PDE5A: variants seen among roughly 807,000 people sequenced by gnomAD.
PDE5A encodes the protein phosphodiesterase 5A, also known as cGMP-specific 3',5'-cyclic phosphodiesterase.
A neutral mutation model predicts 110.2 loss-of-function variants in PDE5A; 67 were observed. The ratio of observed to expected loss-of-function variants is 0.61; its 90% CI spans 0.50 to 0.75. PDE5A has a LOEUF of 0.75. Among genes scored for constraint, PDE5A ranks in the 30% least tolerant of loss-of-function variants. PDE5A has a pLI of 0.00. For missense variants in PDE5A, 862 were observed against 1,045.1 expected (o/e 0.82, Z 2.42); for synonymous variants, 328 against 351.2 (o/e 0.93, Z 0.74).
chr4:119,614,140 A>G (rs1729852089), intron 1 of PDE5A, among the ~76,000 whole-genome samples: 1 of 151,772 alleles, frequency 6.6e-6, no homozygotes, highest in African/African-American at 2.4e-5. Flanking sequence ...GACTCAGGGA[A>G]CAAAGATTCT....
At chr4:119,501,734 CAG>C (rs146739001) in intron 19 of PDE5A, among the ~76,000 whole-genome samples, 4,060 of 152,256 alleles carry the variant, frequency 0.027, 72 homozygotes, top group South Asian at 0.05. Context: ...TTCCAAAAAA[CAG>C]AAGTGGGCTG....
chr4:119,540,159 T>C (rs1726876864), intron 10 of PDE5A, among the ~76,000 whole-genome samples: 1 of 151,848 alleles, frequency 6.6e-6, no homozygotes, highest in Non-Finnish European at 1.5e-5. Flanking sequence ...ACAACACAGA[T>C]TTACAAAAAA....
At chr4:119,558,444 T>C (rs549502554) in intron 7 of PDE5A, among the ~76,000 whole-genome samples, 5 of 152,284 alleles carry the variant, frequency 3.3e-5, no homozygotes, top group Admixed American at 6.5e-5. Context: ...CTTCATCAAA[T>C]TGAGAGATGG....
intron 11 of PDE5A, among the ~76,000 whole-genome samples, chr4:119,527,967 T>TA (rs1234301238): frequency 6.6e-6 from 1 of 152,084 alleles, no homozygotes; most frequent in East Asian, 1.9e-4. Flanking sequence ...ACAAAACAGT[T>TA]AGTTTAGATA....
At chr4:119,532,020 AT>A (rs1726559371) in intron 11 of PDE5A, among the ~76,000 whole-genome samples, 1 of 152,152 alleles carries the variant, frequency 6.6e-6, no homozygotes, top group Non-Finnish European at 1.5e-5. Context: ...TGTTTTATAT[AT>A]TTAATCAACT....
At position 119,520,986 on chromosome 4, in the gene PDE5A, G is replaced by A. The variant is rs750640816; in HGVS notation, c.1854C>T (p.Ala618=). ...CAAACATGCACTGAGCTGTATTAAA[G>A]GCATGTCTCCAATTATGATAGGCAA... The part of the protein sequence containing the change: ...KNVAYHNWRH[A]FNTAQCMFAA... The change falls in exon 13 of 21, where the codon GCC becomes GCT. Residue 618 remains alanine, a synonymous_variant. Transcript: ENST00000354960. 4 of 1,612,820 alleles carry A rather than the reference G, an allele frequency of 2.5e-6. No homozygotes were observed. The African/African-American group carries it at 5.3e-5, about 22-fold the overall frequency.
rs904839782 is a variant in PDE5A at position 119,513,161 on chromosome 4, A to G, written c.2001-2027T>C. On this transcript the variant is annotated intron_variant, in intron 14 of 20. Transcript: ENST00000354960. ...ATTAGAAGGTGTTTTGTCCCAGCCT[A>G]TCTTTAATACCTCTCACTTCTGCCT... 2.6e-5 allele frequency among the ~76,000 whole-genome samples: 4 copies of G among 152,040 alleles called. No homozygotes were observed. The East Asian group carries it at 5.8e-4, about 22-fold the overall frequency.
In PDE5A at chr4:119,497,484, A is replaced by G. The variant is rs199958717; in HGVS notation, c.*1117T>C. On this transcript the variant is annotated 3_prime_UTR_variant, in exon 21 of 21. Coordinates refer to ENST00000354960, the MANE Select transcript of PDE5A (RefSeq NM_001083.4). ...TCACATCCAGGATTCTCTGGATCTC[A>G]GTTGACTTGTCCTATACATCAAAAT... 2.0e-5 allele frequency: 3 copies of G among 152,126 alleles called. No homozygotes were observed. The highest frequency in any genetic ancestry group is 4.4e-5 in the Non-Finnish European group (3 of 68,002). 9.4% of individuals were successfully genotyped at this position (152,126 alleles called of 1,614,324 possible). A position where few individuals can be genotyped will look rare whatever the true frequency, so the allele number is the denominator to read the frequency against.
chr4:119,542,719 C>A (rs1158021341), intron 9 of PDE5A, 85 bp from the exon 10 acceptor site: 8 of 1,233,504 alleles, frequency 6.5e-6, no homozygotes, highest in Admixed American at 5.7e-5. Flanking sequence ...CAAAGATTGT[C>A]TTACACTTTT....
At chr4:119,615,646 A>G (rs1325434957) in intron 1 of PDE5A, among the ~76,000 whole-genome samples, 3 of 151,934 alleles carry the variant, frequency 2.0e-5, no homozygotes, top group Admixed American at 6.6e-5. Context: ...AAAAGAGAAC[A>G]GTTTAAATTA....
At chr4:119,609,276 T>C (rs1296316309) in intron 1 of PDE5A, among the ~76,000 whole-genome samples, 1 of 152,268 alleles carries the variant, frequency 6.6e-6, no homozygotes, top group African/African-American at 2.4e-5. Flanking sequence ...TTACTGTATA[T>C]AGTAAGTACG....
intron 20 of PDE5A, among the ~76,000 whole-genome samples, chr4:119,500,612 T>G (rs890980177): frequency 6.6e-6 from 1 of 151,286 alleles, no homozygotes; most frequent in African/African-American, 2.5e-5. Context: ...CAAAGACAAC[T>G]TCTTCTTTCT....
At chr4:119,626,281 G>A (rs759310808) in intron 1 of PDE5A, among the ~76,000 whole-genome samples, 2 of 152,092 alleles carry the variant, frequency 1.3e-5, no homozygotes, top group Non-Finnish European at 2.9e-5. Flanking sequence ...ATGTAACTCA[G>A]CTCTTTCCAT....
intron 11 of PDE5A, among the ~76,000 whole-genome samples, chr4:119,536,724 T>C (rs1389596868): frequency 6.6e-6 from 1 of 152,138 alleles, no homozygotes; most frequent in Non-Finnish European, 1.5e-5. Context: ...TGTTTACAAG[T>C]CCTCATTTTA....
At chr4:119,578,344 G>C (rs1728451233) in intron 3 of PDE5A, among the ~76,000 whole-genome samples, 1 of 152,156 alleles carries the variant, frequency 6.6e-6, no homozygotes, top group South Asian at 2.1e-4. Context: ...CTACTTTAGA[G>C]TTCATATGGA....
chr4:119,507,341 C>T (rs1379909388), intron 16 of PDE5A, among the ~76,000 whole-genome samples: 2 of 151,926 alleles, frequency 1.3e-5, no homozygotes, highest in South Asian at 2.1e-4. Flanking sequence ...AATGACTGAC[C>T]TTGAGATGGC....
chr4:119,564,148 A>G (rs1389159479), intron 5 of PDE5A, among the ~76,000 whole-genome samples: 1 of 151,886 alleles, frequency 6.6e-6, no homozygotes, highest in East Asian at 1.9e-4. Flanking sequence ...AATATGTATT[A>G]TATGCCATGT....
At position 119,498,471 on chromosome 4, in the gene PDE5A, CAAAAAT is replaced by C; in HGVS notation, c.*124_*129del. On this transcript the variant is annotated 3_prime_UTR_variant, in exon 21 of 21. Transcript: ENST00000354960. The stretch of plus-strand genomic sequence containing the variant: ...TCATGCTATACTCTCAAAAGTTGTG[CAAAAAT>C]AAAAATACAGCAGTGGCAAAGTATA... 1 of 1,006,322 alleles carries C rather than the reference CAAAAAT, an allele frequency of 9.9e-7. No individual in the cohort carries two copies. The highest frequency in any genetic ancestry group is 1.5e-6 in the Non-Finnish European group (1 of 689,038). 62.3% of individuals were successfully genotyped at this position (1,006,322 alleles called of 1,614,324 possible).
intron 11 of PDE5A, chr4:119,528,803 A>C (rs961184150): frequency 2.6e-5 from 4 of 152,302 alleles, no homozygotes; most frequent in African/African-American, 9.6e-5. Flanking sequence ...AGTGGCATCT[A>C]GATCTTGCCA....
Sources: allele counts gnomAD v4.1 joint callset (sites outside exome capture counted in the v4.1 genomes callset), GRCh38; gene constraint gnomAD v4.1.1; transcripts MANE v1.5; gene names NCBI Gene and HGNC (gene_info 2026-07-23, HGNC 2026-07-21).